Variants in BCAS3 observed in about 807,000 individuals in gnomAD.
BCAS3 encodes BCAS4/BCAS3 fusion.
Under a neutral mutation model 116.1 loss-of-function variants are expected in BCAS3, and 53 were observed. The ratio of observed to expected loss-of-function variants is 0.46; its 90% CI spans 0.37 to 0.57. BCAS3 has a LOEUF of 0.57. Among genes scored for constraint, BCAS3 ranks in the 20% least tolerant of loss-of-function variants. The pLI, the probability that BCAS3 is intolerant of heterozygous loss-of-function variation, is 0.00. For missense variants in BCAS3, 917 were observed against 1,165.4 expected, an observed-to-expected ratio of 0.79 and a Z score of 3.10; for synonymous variants, 391 against 408.2, an observed-to-expected ratio of 0.96 and a Z score of 0.51.
rs1027706448 is a variant in BCAS3 at position 61,186,946 on chromosome 17, G to A, written c.2425+102382G>A. On this transcript the variant is annotated intron_variant, in intron 22 of 23. Transcript: ENST00000407086. This position sits in a 1 kb window ranked among gnomAD's most constrained non-coding sequence, Gnocchi z 4.9. Reference sequence around the variant, plus strand: ...AGGATGGTCTCGATCTCCTGACCTCGTGATCCACCCACCTCGGCCTCCCAA... The same window carrying A: ...AGGATGGTCTCGATCTCCTGACCTCATGATCCACCCACCTCGGCCTCCCAA... 6.6e-6 allele frequency among the ~76,000 whole-genome samples: 1 copy of A among 152,124 alleles called. No homozygotes were observed. Among genetic ancestry groups the A allele is most frequent in the Non-Finnish European group, 1.5e-5 (1 of 68,018 alleles).
chr17:61,269,145 G>A (rs1467506156), intron 22 of BCAS3, among the ~76,000 whole-genome samples: 12 of 145,728 alleles, frequency 8.2e-5, no homozygotes, highest in African/African-American at 1.5e-4. Context: ...ATGGAGTTTC[G>A]CTCTTGTTGC....
In BCAS3 at chr17:61,380,070, T is replaced by C. The variant is rs16945232; in HGVS notation, c.2593+11576T>C. The C allele has an allele frequency of 0.075, 13,466 of 180,158 alleles. 1,676 individuals carry two copies. Among genetic ancestry groups the C allele is most frequent in the African/African-American group, 0.28 (11,603 of 42,158 alleles). 11.2% of individuals were successfully genotyped at this position (180,158 alleles called of 1,614,324 possible). On this transcript the variant is annotated intron_variant, in intron 23 of 23. Coordinates refer to ENST00000407086, the MANE Select transcript of BCAS3 (RefSeq NM_017679.5). This position sits in a 1 kb window ranked among gnomAD's most constrained non-coding sequence, Gnocchi z 4.2. ...GAGCTGAGTAGGATCCTGTGGTTAG[T>C]GCCCTTGAGCTGGTCTTTGTGACCT...
rs992799675 is a variant in BCAS3, at chr17:61,199,489, A to G, written c.2425+114925A>G. 6.6e-6 allele frequency among the ~76,000 whole-genome samples: 1 copy of G among 152,224 alleles called. No homozygotes were observed. The highest frequency in any genetic ancestry group is 6.5e-5 in the Admixed American group (1 of 15,286). ...AATTTAGAATGTGACACCATTGTTT[A>G]GGTGTATGTGATTCATTTTTATTAT... is the stretch of plus-strand genomic sequence containing the variant. On this transcript the variant is annotated intron_variant, in intron 22 of 23. Coordinates refer to ENST00000407086, the MANE Select transcript of BCAS3 (RefSeq NM_017679.5). This position sits in a 1 kb window ranked among gnomAD's most constrained non-coding sequence, Gnocchi z 4.6.
intron 16 of BCAS3, among the ~76,000 whole-genome samples, chr17:61,033,613 T>TA (rs1443655712): frequency 2.6e-5 from 4 of 152,210 alleles, no homozygotes; most frequent in Non-Finnish European, 5.9e-5. Flanking sequence ...AAGGTAGAAC[T>TA]AATGTTTGAC....
chr17:60,689,960 C>G (rs1460528584), intron 4 of BCAS3, among the ~76,000 whole-genome samples, 199 bp downstream of exon 4: 11 of 152,102 alleles, frequency 7.2e-5, no homozygotes, highest in Non-Finnish European at 1.5e-4. Context: ...AACTATAACA[C>G]AGTGTGTAAG....
chr17:61,165,130 C>G (rs2078410365), intron 22 of BCAS3, among the ~76,000 whole-genome samples: 1 of 152,170 alleles, frequency 6.6e-6, no homozygotes, highest in Non-Finnish European at 1.5e-5. Context: ...TTTTTATGCC[C>G]TTTCCTTACC....
chr17:60,926,412 AG>A (rs772109428), intron 13 of BCAS3, among the ~76,000 whole-genome samples: 17 of 152,182 alleles, frequency 1.1e-4, no homozygotes, highest in Non-Finnish European at 2.4e-4. Context: ...AATGATAGTA[AG>A]GGATTATCAT....
intron 22 of BCAS3, chr17:61,353,641 T>TAG (rs1354089777): frequency 2.6e-5 from 4 of 152,238 alleles, no homozygotes; most frequent in African/African-American, 9.7e-5. Flanking sequence ...TTGTAAAGGG[T>TAG]AGAGCAGTGT....
intron 7 of BCAS3, among the ~76,000 whole-genome samples, chr17:60,854,478 T>A (rs190934489): frequency 2.4e-4 from 37 of 152,288 alleles, no homozygotes; most frequent in Non-Finnish European, 2.5e-4. Flanking sequence ...GGGCACACTG[T>A]CTTCCACAGT....
At chr17:61,069,925 G>T (rs1383307082) in intron 19 of BCAS3, 1 of 1,543,870 alleles carries the variant, frequency 6.5e-7, no homozygotes, top group Non-Finnish European at 8.9e-7. Context: ...CGAAGCCAAA[G>T]CGAAGGCTTT....
intron 7 of BCAS3, among the ~76,000 whole-genome samples, chr17:60,850,580 A>C (rs918058378): frequency 3.3e-5 from 5 of 152,032 alleles, no homozygotes; most frequent in Middle Eastern, 3.4e-3. Context: ...GCTGGTCTCG[A>C]ACTCCTGACC....
At chr17:61,369,400 G>C (rs1299900723) in intron 23 of BCAS3, among the ~76,000 whole-genome samples, 1 of 152,124 alleles carries the variant, frequency 6.6e-6, no homozygotes, top group Non-Finnish European at 1.5e-5. Flanking sequence ...CGTTCCACAT[G>C]CCTCCCTGCA....
At chr17:60,896,675 A>G (rs1460561279) in intron 10 of BCAS3, among the ~76,000 whole-genome samples, 2 of 151,584 alleles carry the variant, frequency 1.3e-5, no homozygotes, top group Non-Finnish European at 2.9e-5. Flanking sequence ...TTTGTGTGGA[A>G]TATCTCTTTT....
intron 22 of BCAS3, among the ~76,000 whole-genome samples, chr17:61,110,217 T>C (rs2074965136): frequency 6.6e-6 from 1 of 152,150 alleles, no homozygotes; most frequent in African/African-American, 2.4e-5. Flanking sequence ...TATGTATAGT[T>C]TTAAAAATTA....
chr17:60,840,337 T>G (rs1397356407), intron 7 of BCAS3, among the ~76,000 whole-genome samples: 4 of 152,176 alleles, frequency 2.6e-5, no homozygotes, highest in African/African-American at 9.6e-5. Flanking sequence ...GAAGGTACAG[T>G]GTGAGGCTAC....
Position 61,380,660 on chromosome 17 carries a change from GC to G in BCAS3, c.2594-11314del. ...AGAGGGTGCCCTCCTACCCCCTCGT[GC>G]CCAGGCCCAGGAGCACTCTAGGGAG... On this transcript the variant is annotated intron_variant, in intron 23 of 23. Coordinates refer to ENST00000407086, the MANE Select transcript of BCAS3 (RefSeq NM_017679.5). This position sits in a 1 kb window ranked among gnomAD's most constrained non-coding sequence, Gnocchi z 4.2. 8.1e-7 allele frequency: 1 copy of G among 1,238,304 alleles called. No homozygotes were observed. The highest frequency in any genetic ancestry group is 1.2e-6 in the Non-Finnish European group (1 of 868,658). 76.7% of individuals were successfully genotyped at this position (1,238,304 alleles called of 1,614,324 possible). A position where few individuals can be genotyped will look rare whatever the true frequency, so the allele number is the denominator to read the frequency against.
intron 22 of BCAS3, among the ~76,000 whole-genome samples, chr17:61,116,045 A>G (rs1226147041): frequency 7.0e-6 from 1 of 142,094 alleles, no homozygotes; most frequent in Non-Finnish European, 1.5e-5. Context: ...GAACAATGAG[A>G]TCACATGGAC....
chr17:60,997,093 A>G (rs1431871044), intron 15 of BCAS3, among the ~76,000 whole-genome samples: 2 of 152,134 alleles, frequency 1.3e-5, no homozygotes, highest in Non-Finnish European at 2.9e-5. Flanking sequence ...TCTCATAAGG[A>G]GTGTGCAACC....
chr17:60,941,425 GA>G (rs1431147565), intron 13 of BCAS3, among the ~76,000 whole-genome samples: 2 of 151,774 alleles, frequency 1.3e-5, no homozygotes, highest in Non-Finnish European at 2.9e-5. Flanking sequence ...TTTTCTAGAA[GA>G]AAAAAAAGCT....
Sources: gnomAD v4.1 joint callset for allele counts (sites outside exome capture counted in the v4.1 genomes callset) on GRCh38, gnomAD v4.1.1 for gene constraint, Gnocchi (gnomAD v3.1) non-coding constraint, MANE v1.5 for transcripts, NCBI Gene and HGNC (gene_info 2026-07-23, HGNC 2026-07-21) for gene names.